The following KCND2 variants were observed in gnomAD, a reference collection of about 807,000 sequenced individuals.
KCND2 encodes A-type voltage-gated potassium channel KCND2.
KCND2 carries 16 observed loss-of-function variants against 54.4 expected under a neutral mutation model. The observed-to-expected ratio is 0.29, with a 90% CI of 0.20 to 0.45. The LOEUF (loss-of-function observed/expected upper bound fraction) is 0.45, where lower values mean the gene tolerates loss of function less well. Ranked by LOEUF, KCND2 falls within the 20% of genes least tolerant of loss-of-function variation. The pLI, the probability that KCND2 is intolerant of heterozygous loss-of-function variation, is 1.00. For missense variants in KCND2, 486 were observed against 824.2 expected (o/e 0.59, Z 5.02); for synonymous variants, 317 against 310.7 (o/e 1.02, Z -0.21).
intron 1 of KCND2, among the ~76,000 whole-genome samples, chr7:120,726,467 A>AT (rs1441206279): frequency 6.6e-6 from 1 of 152,204 alleles, no homozygotes; most frequent in East Asian, 1.9e-4. Context: ...AAGGGGTAGA[A>AT]TTACTAGTTA....
intron 1 of KCND2, among the ~76,000 whole-genome samples, chr7:120,398,160 T>TAC (rs1417555188): frequency 1.6e-5 from 2 of 125,264 alleles, no homozygotes; most frequent in Non-Finnish European, 3.1e-5. Flanking sequence ...TATATACATA[T>TAC]ATACACACAC....
intron 2 of KCND2, among the ~76,000 whole-genome samples, chr7:120,735,565 A>G (rs1468919266): frequency 6.6e-6 from 1 of 152,116 alleles, no homozygotes; most frequent in African/African-American, 2.4e-5. Context: ...ATCAATAAAG[A>G]AAACCTTAGA....
chr7:120,556,694 G>A (rs945013689), intron 1 of KCND2, among the ~76,000 whole-genome samples: 1 of 152,124 alleles, frequency 6.6e-6, no homozygotes, highest in Non-Finnish European at 1.5e-5. Flanking sequence ...GTTGTGAAGA[G>A]AGAGTATTTA....
chr7:120,703,723 A>G (rs1792431455), intron 1 of KCND2, among the ~76,000 whole-genome samples: 1 of 152,184 alleles, frequency 6.6e-6, no homozygotes, highest in Non-Finnish European at 1.5e-5. Flanking sequence ...AAATGCTGAT[A>G]CATTGCAGGT....
At chr7:120,621,884 T>C (rs1318405309) in intron 1 of KCND2, among the ~76,000 whole-genome samples, 3 of 152,134 alleles carry the variant, frequency 2.0e-5, no homozygotes, top group Admixed American at 2.0e-4. Context: ...CCCATTCCTC[T>C]TTTATTCATC....
At chr7:120,708,299 G>A (rs1792495601) in intron 1 of KCND2, among the ~76,000 whole-genome samples, 1 of 152,050 alleles carries the variant, frequency 6.6e-6, no homozygotes, top group Non-Finnish European at 1.5e-5. Context: ...AACCTTCTAG[G>A]TAAGCTCATT....
chr7:120,370,966 G>A (rs909024463), intron 1 of KCND2, among the ~76,000 whole-genome samples: 1 of 152,160 alleles, frequency 6.6e-6, no homozygotes, highest in African/African-American at 2.4e-5. Flanking sequence ...TTATGCTGTG[G>A]GAACAACCAG....
intron 1 of KCND2, among the ~76,000 whole-genome samples, chr7:120,541,498 C>A (rs1365779428): frequency 6.6e-6 from 1 of 152,040 alleles, no homozygotes; most frequent in Non-Finnish European, 1.5e-5. Context: ...GCAACAGGAC[C>A]TTGTGAAAGA....
chr7:120,470,381 T>C (rs1260496539), intron 1 of KCND2, among the ~76,000 whole-genome samples: 1 of 152,140 alleles, frequency 6.6e-6, no homozygotes, highest in Non-Finnish European at 1.5e-5. Flanking sequence ...TTTCATTTTC[T>C]ACTCTGCTAT....
intron 1 of KCND2, among the ~76,000 whole-genome samples, chr7:120,384,465 A>T (rs1310776974): frequency 6.6e-6 from 1 of 152,170 alleles, no homozygotes; most frequent in Non-Finnish European, 1.5e-5. Context: ...ATATGCTCTC[A>T]GCATGCATCT....
At chr7:120,606,932 A>G (rs1792889308) in intron 1 of KCND2, among the ~76,000 whole-genome samples, 1 of 152,136 alleles carries the variant, frequency 6.6e-6, no homozygotes, top group African/African-American at 2.4e-5. Flanking sequence ...TTTCTGCAGC[A>G]ACAGTAAAAG....
chr7:120,480,270 A>C (rs1340633815), intron 1 of KCND2, among the ~76,000 whole-genome samples: 1 of 152,192 alleles, frequency 6.6e-6, no homozygotes, highest in African/African-American at 2.4e-5. Context: ...ACGGAGAAGT[A>C]GAATACTCAA....
At chr7:120,448,436 A>G (rs1802050908) in intron 1 of KCND2, among the ~76,000 whole-genome samples, 1 of 152,058 alleles carries the variant, frequency 6.6e-6, no homozygotes, top group African/African-American at 2.4e-5. Flanking sequence ...TCATTGATGG[A>G]CATTTGGGTT....
At chr7:120,678,236 A>C (rs899755807) in intron 1 of KCND2, among the ~76,000 whole-genome samples, 4 of 151,364 alleles carry the variant, frequency 2.6e-5, no homozygotes, top group African/African-American at 4.8e-5. Flanking sequence ...CATCTAAATA[A>C]GCATGGTGCA....
chr7:120,674,703 C>T (rs1050799525), intron 1 of KCND2, among the ~76,000 whole-genome samples: 1 of 152,186 alleles, frequency 6.6e-6, no homozygotes. Flanking sequence ...AATTTATTGG[C>T]ATGTCTAGTT....
chr7:120,455,456 A>G (rs1303884180), intron 1 of KCND2, among the ~76,000 whole-genome samples: 1 of 152,154 alleles, frequency 6.6e-6, no homozygotes, highest in African/African-American at 2.4e-5. Flanking sequence ...GAGAATAATC[A>G]TTCAACCCAA....
chr7:120,387,635 G>A lies in KCND2; in HGVS notation c.1115+111888G>A, dbSNP rs541782666. Among the ~76,000 whole-genome samples the A allele has an allele frequency of 2.0e-5, 3 of 152,062 alleles. No individual in the cohort carries two copies. The South Asian group carries it at 6.2e-4, about 32-fold the overall frequency. On this transcript the variant is annotated intron_variant, in intron 1 of 5. Transcript: ENST00000331113. Reference sequence around the variant, plus strand: ...GGTTAGGAAAATAATTATTTAAAATGTTCTTTTGTGAATGACAGAACTGGG... The same window carrying A: ...GGTTAGGAAAATAATTATTTAAAATATTCTTTTGTGAATGACAGAACTGGG...
intron 1 of KCND2, among the ~76,000 whole-genome samples, chr7:120,676,532 G>A (rs1393652611): frequency 6.6e-6 from 1 of 151,884 alleles, no homozygotes; most frequent in East Asian, 1.9e-4. Flanking sequence ...TTCTTCCTCT[G>A]GCTCAAAACT....
At chr7:120,317,691 A>G (rs183531589) in intron 1 of KCND2, among the ~76,000 whole-genome samples, 10 of 152,286 alleles carry the variant, frequency 6.6e-5, no homozygotes, top group South Asian at 2.1e-4. Flanking sequence ...GTGTAACTCT[A>G]TGATATGGCT....
Sources: gnomAD v4.1 joint callset for allele counts (sites outside exome capture counted in the v4.1 genomes callset) on GRCh38, gnomAD v4.1.1 for gene constraint, MANE v1.5 for transcripts, NCBI Gene and HGNC (gene_info 2026-07-23, HGNC 2026-07-21) for gene names.